The following DSN1 variants were observed in gnomAD, a reference collection of about 807,000 sequenced individuals.
The protein encoded by DSN1 is kinetochore-associated protein DSN1 homolog.
In DSN1, 31 loss-of-function variants were observed where a neutral mutation model predicts 45.7. The observed-to-expected ratio is 0.68, with a 90% CI of 0.51 to 0.92. The LOEUF (loss-of-function observed/expected upper bound fraction) is 0.92. Among genes scored for constraint, DSN1 ranks in the 40% least tolerant of loss-of-function variants. DSN1 has a pLI of 0.00. For missense variants in DSN1, 394 were observed against 414.2 expected, an observed-to-expected ratio of 0.95 and a Z score of 0.42; for synonymous variants, 134 against 142.3, an observed-to-expected ratio of 0.94 and a Z score of 0.41.
Position 36,768,001 on chromosome 20 carries a change from G to A in DSN1, c.397C>T (p.Arg133Trp), listed in dbSNP as rs368233235. 1.7e-5 allele frequency: 27 copies of A among 1,613,942 alleles called. No homozygotes were observed. The South Asian group carries it at 1.8e-4, about 10-fold the overall frequency. ...CTGGAAAGCAGGAGACAGCCAAGCC[G>A]TTTGCTTTCTGCTAAATCGACACTG... ...SISVDLAESK[R>W]LGCLLLSSFQ... Residue 133 changes from arginine (R) to tryptophan (W), a missense_variant, in exon 4 of 11, where the codon CGG becomes TGG. Arg to Trp is a moderately radical substitution (Grantham distance 101, BLOSUM62 -3). Coordinates refer to ENST00000373750, the MANE Select transcript of DSN1 (RefSeq NM_001145315.2).
chr20:36,772,320 ACT>A (rs1480331635), intron 1 of DSN1, among the ~76,000 whole-genome samples: 4 of 146,004 alleles, frequency 2.7e-5, no homozygotes, highest in Non-Finnish European at 1.5e-5. Flanking sequence ...GTGGAATCTC[ACT>A]CTGTCGCCAA....
intron 5 of DSN1, 142 bp from the exon 6 acceptor site, chr20:36,762,690 T>C (rs1167393176): frequency 1.0e-5 from 6 of 593,188 alleles, no homozygotes; most frequent in Non-Finnish European, 1.7e-5. Context: ...AGTGTGGAGT[T>C]AAGTATGTAG....
At chr20:36,762,997 G>A (rs910285733) in intron 5 of DSN1, among the ~76,000 whole-genome samples, 9 of 152,160 alleles carry the variant, frequency 5.9e-5, no homozygotes, top group Non-Finnish European at 1.0e-4. Context: ...CCAGCGATTC[G>A]CCTGCCTCAG....
chr20:36,773,288 G>A, intron 1 of DSN1: 1 of 757,110 alleles, frequency 1.3e-6, no homozygotes, highest in East Asian at 1.3e-4. Context: ...TTTGCAGACA[G>A]GGGAACTGAG....
intron 6 of DSN1, among the ~76,000 whole-genome samples, chr20:36,759,603 C>G (rs1324790960): frequency 1.3e-5 from 2 of 151,950 alleles, no homozygotes; most frequent in Admixed American, 1.3e-4. Context: ...CCTGCCTCAG[C>G]CTCCCGAGTA....
intron 3 of DSN1, among the ~76,000 whole-genome samples, chr20:36,768,450 T>A (rs943934272): frequency 1.3e-5 from 2 of 152,076 alleles, no homozygotes; most frequent in Non-Finnish European, 2.9e-5. Flanking sequence ...GGCTGAGGCA[T>A]GAGAATCAAA....
chr20:36,771,378 A>G lies in DSN1; in HGVS notation c.34+47T>C, dbSNP rs767481093. 4.4e-6 allele frequency: 7 copies of G among 1,592,630 alleles called. 1 individual carries two copies. In the South Asian group the frequency reaches 7.8e-5, roughly 18 times the overall value. On this transcript the variant is annotated intron_variant, in intron 2 of 10. Transcript: ENST00000373750. ...AGGAAAGATTTGGGTATAGCTCAGAAGCCTGAACCCAAGGTAAGAGGTACT... is the reference window on the plus strand; with the variant it reads ...AGGAAAGATTTGGGTATAGCTCAGAGGCCTGAACCCAAGGTAAGAGGTACT...
intron 5 of DSN1, among the ~76,000 whole-genome samples, chr20:36,764,147 G>T (rs948048874): frequency 2.0e-5 from 3 of 151,834 alleles, no homozygotes; most frequent in African/African-American, 7.3e-5. Context: ...CTTGAGCCTA[G>T]GAGATCAAGG....
chr20:36,763,202 G>C (rs1198180305), intron 5 of DSN1, among the ~76,000 whole-genome samples: 1 of 151,632 alleles, frequency 6.6e-6, no homozygotes, highest in African/African-American at 2.4e-5. Flanking sequence ...TCAGGAGTTT[G>C]AGACCAGCCA....
At chr20:36,763,302 GGCTGAGGCAGGGGAATCGC>G (rs1987105304) in intron 5 of DSN1, among the ~76,000 whole-genome samples, 1 of 151,270 alleles carries the variant, frequency 6.6e-6, no homozygotes, top group Admixed American at 6.6e-5. Context: ...CTACTCGGGA[GGCTGAGGCAGGGGAATCGC>G]TTGAACCTGA....
rs1166635632 is a variant in DSN1, at chr20:36,762,537, A to G, written c.514T>C (p.Ser172Pro). The G allele has an allele frequency of 2.5e-6, 4 of 1,613,590 alleles. No individual in the cohort carries two copies. The highest frequency in any genetic ancestry group is 3.4e-6 in the Non-Finnish European group (4 of 1,179,814). Residue 172 changes from serine to proline, a missense_variant, in exon 6 of 11, where the codon TCT (serine) becomes CCT (proline). By Grantham distance (74) the Ser-to-Pro change is moderately conservative. Transcript: ENST00000373750. ...ESFRAKASSL[S>P]EELKHFADGL... ...TCTGCAAAATGTTTCAATTCTTCAGAAAGAGAAGATGCTAGACAGCACAAA... is the reference window on the plus strand; with the variant it reads ...TCTGCAAAATGTTTCAATTCTTCAGGAAGAGAAGATGCTAGACAGCACAAA...
At chr20:36,767,943 A>G (rs1264624280) in intron 4 of DSN1, 26 bp downstream of exon 4, 1 of 1,610,816 alleles carries the variant, frequency 6.2e-7, no homozygotes, top group Non-Finnish European at 8.5e-7. Flanking sequence ...AAACACAAAA[A>G]CATTTCCTAG....
intron 8 of DSN1, 22 bp from the exon 9 acceptor site, chr20:36,755,851 T>A: frequency 6.3e-7 from 1 of 1,595,918 alleles, no homozygotes; most frequent in South Asian, 1.1e-5. Flanking sequence ...ACACAAGAGC[T>A]TTTGAGAGAT....
chr20:36,763,223 A>C (rs1480303535), intron 5 of DSN1, among the ~76,000 whole-genome samples: 1 of 151,502 alleles, frequency 6.6e-6, no homozygotes, highest in Non-Finnish European at 1.5e-5. Context: ...GGCCAACATG[A>C]TGAAACCCTG....
chr20:36,773,393 C>G, intron 1 of DSN1: 4 of 985,538 alleles, frequency 4.1e-6, no homozygotes, highest in Non-Finnish European at 4.8e-6. Context: ...CCAGTCCTCA[C>G]CCCTGTTTCT....
intron 6 of DSN1, among the ~76,000 whole-genome samples, chr20:36,761,878 G>A (rs1416523074): frequency 1.3e-5 from 2 of 149,692 alleles, no homozygotes; most frequent in Admixed American, 6.7e-5. Context: ...GCATGGTGGC[G>A]CATGCCTGTA....
chr20:36,758,671 T>C (rs1438502504), intron 6 of DSN1, 54 bp from the exon 7 acceptor site: 1 of 1,468,208 alleles, frequency 6.8e-7, no homozygotes, highest in East Asian at 2.3e-5. Context: ...TTTGCTTTAA[T>C]ATAATCGCTT....
chr20:36,754,845 A>C lies in DSN1; in HGVS notation c.879T>G (p.Asp293Glu), dbSNP rs1168061728. 1 of 1,613,604 alleles carries C rather than the reference A, an allele frequency of 6.2e-7. No homozygotes were observed. The highest frequency in any genetic ancestry group is 1.3e-5 in the African/African-American group (1 of 74,912). Reference protein sequence around the residue: ...KVFDCMELVMDELQGSVKQLQ... With the variant: ...KVFDCMELVMEELQGSVKQLQ... ...GCTGTTTCACTGATCCTTGCAGTTC[A>C]TCCATCTGTAGAAAAAAGACAGCTG... The change falls in exon 10 of 11, where the codon GAT (aspartate) becomes GAG (glutamate). Residue 293 changes from aspartate (D) to glutamate (E), a missense_variant. Physicochemically the swap from Asp to Glu is conservative, Grantham distance 45. Coordinates refer to ENST00000373750, the MANE Select transcript of DSN1 (RefSeq NM_001145315.2).
chr20:36,754,797 A>G lies in DSN1; in HGVS notation c.927T>C (p.Ser309=), dbSNP rs1314963984. 1.2e-6 allele frequency: 2 copies of G among 1,613,920 alleles called. No individual in the cohort carries two copies. Among genetic ancestry groups the G allele is most frequent in the East Asian group, 4.5e-5 (2 of 44,874 alleles). The change falls in exon 10 of 11, where the codon AGT becomes AGC. Residue 309 remains serine, a synonymous_variant. Transcript: ENST00000373750. ...VKQLQAFMDE[S]TQCFQKVSVQ... ...CTGACACCTTCTGGAAGCACTGGGT[A>G]CTTTCATCCATAAAGGCCTGCAGCT...
Sources: allele counts gnomAD v4.1 joint callset (sites outside exome capture counted in the v4.1 genomes callset), GRCh38; gene constraint gnomAD v4.1.1; transcripts MANE v1.5; gene names NCBI Gene and HGNC (gene_info 2026-07-23, HGNC 2026-07-21).